The following GAD1 variants were observed in gnomAD, a reference collection of about 807,000 sequenced individuals.
GAD1 encodes the protein 67 kDa glutamic acid decarboxylase.
In GAD1, 35 loss-of-function variants were observed where a neutral mutation model predicts 75.2. The ratio of observed to expected loss-of-function variants is 0.47; its 90% CI spans 0.36 to 0.62. The LOEUF is 0.62. GAD1 is among the 20% of genes least tolerant of loss of function. The pLI, the probability that GAD1 is intolerant of heterozygous loss-of-function variation, is 0.00. For missense variants in GAD1, 490 were observed against 758.5 expected (o/e 0.65, Z 4.16); for synonymous variants, 257 against 271.9 (o/e 0.95, Z 0.54).
At chr2:170,821,746 C>G in intron 2 of GAD1, 1 of 372,948 alleles carries the variant, frequency 2.7e-6, no homozygotes, top group South Asian at 2.6e-5. Context: ...TCGATCGGAG[C>G]CTGGCCCTTT....
intron 6 of GAD1, chr2:170,843,729 T>A: frequency 3.4e-6 from 1 of 296,704 alleles, no homozygotes; most frequent in Non-Finnish European, 6.4e-6. Context: ...TAAAAGGGAC[T>A]CAGAAAAGTC....
chr2:170,823,760 G>A (rs907582454), intron 3 of GAD1, among the ~76,000 whole-genome samples: 8 of 151,594 alleles, frequency 5.3e-5, no homozygotes, highest in South Asian at 2.1e-4. Context: ...TTGTCATGCA[G>A]CCAGCCGGGC....
chr2:170,854,122 G>A, intron 14 of GAD1, 100 bp downstream of exon 14: 5 of 1,201,708 alleles, frequency 4.2e-6, no homozygotes, highest in Non-Finnish European at 4.9e-6. Flanking sequence ...TTCACTATAT[G>A]GGGAATCAAT....
At chr2:170,839,962 T>C (rs7561581) in intron 6 of GAD1, among the ~76,000 whole-genome samples, 47,147 of 152,066 alleles carry the variant, frequency 0.31, 7,471 homozygotes, top group East Asian at 0.53. Flanking sequence ...ATGGGAGTTA[T>C]TCATCATTTT....
chr2:170,857,254 T>TA, intron 15 of GAD1, 129 bp downstream of exon 15: 2 of 686,110 alleles, frequency 2.9e-6, no homozygotes, highest in South Asian at 3.2e-5. Flanking sequence ...TTTTTATTCT[T>TA]ATACACTCTT....
At chr2:170,827,012 A>C (rs1702041502) in intron 3 of GAD1, among the ~76,000 whole-genome samples, 1 of 152,124 alleles carries the variant, frequency 6.6e-6, no homozygotes, top group South Asian at 2.1e-4. Flanking sequence ...CCAAGTGTGG[A>C]GCTCTATTAT....
Position 170,858,819 on chromosome 2 carries a change from G to A in GAD1, c.1537G>A (p.Val513Ile), listed in dbSNP as rs750917624. Reference sequence around the variant, plus strand: ...ATCTCTGCAGCCTGAGCACACAAACGTCTGTTTTTGGTATATTCCACAAAG... The same window carrying A: ...ATCTCTGCAGCCTGAGCACACAAACATCTGTTTTTGGTATATTCCACAAAG... ...VFNGEPEHTNVCFWYIPQSLR... is the reference protein window; with the variant it reads ...VFNGEPEHTNICFWYIPQSLR... Residue 513 changes from valine (V) to isoleucine (I), a missense_variant, in exon 16 of 17, where the codon GTC becomes ATC. Physicochemically the swap from Val to Ile is conservative, Grantham distance 29 (BLOSUM62 3). Transcript: ENST00000358196. 5.6e-6 allele frequency: 9 copies of A among 1,614,106 alleles called. No individual in the cohort carries two copies. The highest frequency in any genetic ancestry group is 1.1e-5 in the South Asian group (1 of 91,084).
In GAD1 at chr2:170,852,781, G is replaced by C; in HGVS notation, c.1252G>C (p.Val418Leu). 6.2e-7 allele frequency: 1 copy of C among 1,614,030 alleles called. No individual in the cohort carries two copies. Among genetic ancestry groups the C allele is most frequent in the Non-Finnish European group, 8.5e-7 (1 of 1,179,966 alleles). Residue 418 changes from valine (V) to leucine (L), a missense_variant, in exon 13 of 17, where the codon GTC becomes CTC. Val to Leu is a conservative substitution (Grantham distance 32). Transcript: ENST00000358196. ...GCTGTTGCAGTGCTCTGCCATTCTC[G>C]TCAAGGAAAAGGTCTGTACTCCCTC... is the stretch of plus-strand genomic sequence containing the variant. Reference protein sequence around the residue: ...GVLLQCSAILVKEKGILQGCN... With the variant: ...GVLLQCSAILLKEKGILQGCN...
chr2:170,830,805 T>A, intron 4 of GAD1, 145 bp from the exon 5 acceptor site: 1 of 997,114 alleles, frequency 1.0e-6, no homozygotes, highest in Non-Finnish European at 1.5e-6. Flanking sequence ...TCTGGAGATG[T>A]GGTATATCCG....
At chr2:170,825,912 C>T (rs1169670048) in intron 3 of GAD1, among the ~76,000 whole-genome samples, 1 of 152,152 alleles carries the variant, frequency 6.6e-6, no homozygotes, top group Non-Finnish European at 1.5e-5. Context: ...CTCTGGGACC[C>T]CTTCTTACAG....
At chr2:170,829,288 T>C (rs1702158762) in intron 3 of GAD1, 187 bp from the exon 4 acceptor site, 2 of 644,164 alleles carry the variant, frequency 3.1e-6, no homozygotes, top group Non-Finnish European at 5.4e-6. Flanking sequence ...ACTGATGACA[T>C]TTGGCACTGC....
rs182794858 is a variant in GAD1 at position 170,860,940 on chromosome 2, C to G, written c.*1058C>G. The G allele has an allele frequency of 5.9e-5, 9 of 152,694 alleles. No individual in the cohort carries two copies. The highest frequency in any genetic ancestry group is 2.2e-4 in the African/African-American group (9 of 41,566). The allele number at this position is 152,694 out of a possible 1,614,324, so 9.5% of individuals were successfully genotyped here. A position where few individuals can be genotyped will look rare whatever the true frequency, so the allele number is the denominator to read the frequency against. ...AGCAACTGTTGGATAATAACTAGAT[C>G]TCCTGTAATTTTGTAGTAGTTGATG... On this transcript the variant is annotated 3_prime_UTR_variant, in exon 17 of 17. Transcript: ENST00000358196.
intron 3 of GAD1, among the ~76,000 whole-genome samples, chr2:170,825,614 T>C (rs1702005712): frequency 6.6e-6 from 1 of 152,166 alleles, no homozygotes; most frequent in Admixed American, 6.5e-5. Flanking sequence ...CACGCACACA[T>C]ACACATACAC....
chr2:170,837,678 C>T (rs1347852860), intron 6 of GAD1, among the ~76,000 whole-genome samples: 1 of 152,220 alleles, frequency 6.6e-6, no homozygotes, highest in African/African-American at 2.4e-5. Flanking sequence ...AATGGCACTA[C>T]ATCCTATTAA....
intron 6 of GAD1, among the ~76,000 whole-genome samples, chr2:170,841,730 A>T (rs1273427102): frequency 6.6e-6 from 1 of 152,194 alleles, no homozygotes; most frequent in Non-Finnish European, 1.5e-5. Flanking sequence ...GTGGATCAGC[A>T]GCCATGGACT....
intron 7 of GAD1, among the ~76,000 whole-genome samples, chr2:170,844,443 C>A (rs1702589065): frequency 7.4e-6 from 1 of 135,078 alleles, no homozygotes; most frequent in African/African-American, 2.8e-5. Flanking sequence ...GGGTCTCACT[C>A]TGTCATCCAG....
chr2:170,848,638 A>C (rs1471134144), intron 11 of GAD1: 2 of 499,856 alleles, frequency 4.0e-6, no homozygotes, highest in Non-Finnish European at 8.0e-6. Context: ...CACATGTGTG[A>C]CTGGGTGTAT....
In GAD1 at chr2:170,853,726, C is replaced by A; in HGVS notation, c.1264-147C>A. 1.4e-6 allele frequency: 1 copy of A among 734,092 alleles called. No homozygotes were observed. 45.5% of individuals were successfully genotyped at this position (734,092 alleles called of 1,614,324 possible). A position where few individuals can be genotyped will look rare whatever the true frequency, so the allele number is the denominator to read the frequency against. On this transcript the variant is annotated intron_variant, in intron 13 of 16. Coordinates refer to ENST00000358196, the MANE Select transcript of GAD1 (RefSeq NM_000817.3). This position sits in a 1 kb window ranked among gnomAD's most constrained non-coding sequence, Gnocchi z 4.1. ...TTCCAAGAGTGATTTTAGAAAAGGG[C>A]ATCAGAACAAGTGTAAGGCCTCATA...
chr2:170,827,455 C>T lies in GAD1; in HGVS notation c.146-2020C>T, dbSNP rs77487367. Among the ~76,000 whole-genome samples, 87 of 152,360 alleles carry T rather than the reference C, an allele frequency of 5.7e-4. 1 individual carries two copies. In the East Asian group the frequency reaches 0.011, roughly 19 times the overall value. ...AGGAGAAGCCAAAGGAAAGAGCAGA[C>T]GTGCGGGCCAGGAGCCCCACAGGGG... On this transcript the variant is annotated intron_variant, in intron 3 of 16. Transcript: ENST00000358196.
Sources: allele counts gnomAD v4.1 joint callset (sites outside exome capture counted in the v4.1 genomes callset), GRCh38; gene constraint gnomAD v4.1.1; non-coding constraint Gnocchi (gnomAD v3.1); transcripts MANE v1.5; gene names NCBI Gene and HGNC (gene_info 2026-07-23, HGNC 2026-07-21).